Variants in CDC42BPA observed in about 807,000 individuals in gnomAD.
The protein encoded by CDC42BPA is serine/threonine-protein kinase MRCK alpha.
In CDC42BPA, 80 loss-of-function variants were observed where a neutral mutation model predicts 223.5. The ratio of observed to expected loss-of-function variants is 0.36; its 90% confidence interval spans 0.30 to 0.43. The LOEUF (loss-of-function observed/expected upper bound fraction) is 0.43. Among genes scored for constraint, CDC42BPA ranks in the 20% least tolerant of loss-of-function variants. The pLI, the probability that CDC42BPA is intolerant of heterozygous loss-of-function variation, is 1.00. For synonymous variants in CDC42BPA, 694 were observed against 718.6 expected, an observed-to-expected ratio of 0.97 and a Z score of 0.55; for missense variants, 1,743 against 2,099.9, an observed-to-expected ratio of 0.83 and a Z score of 3.32.
chr1:227,207,246 T>C (rs995620767), intron 3 of CDC42BPA, among the ~76,000 whole-genome samples: 10 of 151,324 alleles, frequency 6.6e-5, no homozygotes, highest in Non-Finnish European at 1.3e-4. Flanking sequence ...TCCATGTCCC[T>C]ACAAAGGACA....
At chr1:227,119,151 G>C (rs1274399961) in intron 12 of CDC42BPA, among the ~76,000 whole-genome samples, 1 of 152,038 alleles carries the variant, frequency 6.6e-6, no homozygotes, top group Non-Finnish European at 1.5e-5. Context: ...GCTAGTATTA[G>C]TCCCAACATT....
chr1:227,083,820 T>C (rs186957109), intron 16 of CDC42BPA, among the ~76,000 whole-genome samples: 7 of 152,290 alleles, frequency 4.6e-5, no homozygotes, highest in Non-Finnish European at 8.8e-5. Flanking sequence ...TCCTAAAATG[T>C]AGGCTTTCAA....
In CDC42BPA at chr1:227,096,668, T is replaced by C. The variant is rs139583740; in HGVS notation, c.2249+4324A>G. On this transcript the variant is annotated intron_variant, in intron 15 of 36. Transcript: ENST00000366766. ...CAGGGATCCCATGCTCTCCTAGTTT[T>C]AGTCTACATTCCTGGCTTCTTTTCA... Among the ~76,000 whole-genome samples, 117 of 152,350 alleles carry C rather than the reference T, an allele frequency of 7.7e-4. 1 individual carries two copies. The East Asian group carries it at 0.021, about 27-fold the overall frequency.
intron 15 of CDC42BPA, among the ~76,000 whole-genome samples, chr1:227,094,813 A>G (rs760011894): frequency 3.3e-5 from 5 of 152,224 alleles, no homozygotes; most frequent in South Asian, 2.1e-4. Context: ...ACAGTCAATT[A>G]GCTCGAGATA....
At chr1:227,244,788 G>A (rs1241066030) in intron 2 of CDC42BPA, among the ~76,000 whole-genome samples, 1 of 152,216 alleles carries the variant, frequency 6.6e-6, no homozygotes. Context: ...AGGAAGACAG[G>A]AGAGACAGTC....
intron 7 of CDC42BPA, among the ~76,000 whole-genome samples, chr1:227,146,379 T>C (rs927642091): frequency 6.6e-6 from 1 of 152,124 alleles, no homozygotes; most frequent in Non-Finnish European, 1.5e-5. Context: ...TTTACAACCC[T>C]GCTGCTATTT....
intron 14 of CDC42BPA, among the ~76,000 whole-genome samples, chr1:227,105,282 A>T (rs1396498246): frequency 6.6e-6 from 1 of 151,902 alleles, no homozygotes; most frequent in Non-Finnish European, 1.5e-5. Flanking sequence ...ATTAAGAATT[A>T]ACTCCCTGTT....
chr1:227,059,492 G>A, intron 21 of CDC42BPA: 1 of 1,249,296 alleles, frequency 8.0e-7, no homozygotes, highest in South Asian at 1.3e-5. Flanking sequence ...TGTATTAACA[G>A]ACAAAGTATA....
chr1:227,317,054 A>G lies in CDC42BPA; in HGVS notation c.129T>C (p.Asn43=), dbSNP rs760808114. ...DILICLYDEC[N]NSPLRREKNI... ...TCTTCTCTCTTCTCAATGGAGAATTATTGCATTCATCATAAAGGCAGATGA... is the reference window on the plus strand; with the variant it reads ...TCTTCTCTCTTCTCAATGGAGAATTGTTGCATTCATCATAAAGGCAGATGA... Residue 43 remains asparagine, a synonymous_variant, in exon 1 of 37, where the codon AAT becomes AAC. Transcript: ENST00000366766. The G allele has an allele frequency of 1.2e-6, 2 of 1,613,684 alleles. No homozygotes were observed. The highest frequency in any genetic ancestry group is 1.7e-5 in the Admixed American group (1 of 59,990).
At chr1:227,174,309 G>C (rs1367629909) in intron 5 of CDC42BPA, among the ~76,000 whole-genome samples, 1 of 152,294 alleles carries the variant, frequency 6.6e-6, no homozygotes, top group Middle Eastern at 3.4e-3. Context: ...GAGACTGAGA[G>C]AATTTTGAGT....
At chr1:227,138,196 T>C (rs6672658) in intron 10 of CDC42BPA, among the ~76,000 whole-genome samples, 108,804 of 151,854 alleles carry the variant, frequency 0.72, 39,188 homozygotes, top group South Asian at 0.86. Context: ...TTGTAAAACT[T>C]TGATTAGTTA....
At chr1:227,255,896 T>G (rs1682957693) in intron 1 of CDC42BPA, among the ~76,000 whole-genome samples, 1 of 152,046 alleles carries the variant, frequency 6.6e-6, no homozygotes. Flanking sequence ...AATCCACAGA[T>G]TCAAAGCAAT....
intron 2 of CDC42BPA, among the ~76,000 whole-genome samples, chr1:227,252,828 T>C (rs556160731): frequency 1.3e-5 from 2 of 152,234 alleles, no homozygotes; most frequent in African/African-American, 2.4e-5. Context: ...ATTAATAAAA[T>C]TCAACAAAAT....
At chr1:227,255,819 A>G (rs1228521635) in intron 1 of CDC42BPA, among the ~76,000 whole-genome samples, 1 of 152,200 alleles carries the variant, frequency 6.6e-6, no homozygotes, top group African/African-American at 2.4e-5. Flanking sequence ...AAATAAATGA[A>G]AAGACATCCA....
At chr1:227,254,597 G>A (rs11807166) in intron 1 of CDC42BPA, among the ~76,000 whole-genome samples, 4,575 of 152,192 alleles carry the variant, frequency 0.03, 205 homozygotes, top group African/African-American at 0.1. Flanking sequence ...TTTAAAATGC[G>A]TTAGCAAACG....
At chr1:227,036,484 G>A (rs12403161) in intron 24 of CDC42BPA, among the ~76,000 whole-genome samples, 41,127 of 147,076 alleles carry the variant, frequency 0.28, 6,076 homozygotes, top group African/African-American at 0.34. Context: ...GCTGGAGTGC[G>A]GTGGTGCAAT....
At chr1:227,283,452 C>T (rs1457266777) in intron 1 of CDC42BPA, among the ~76,000 whole-genome samples, 2 of 152,120 alleles carry the variant, frequency 1.3e-5, no homozygotes, top group African/African-American at 4.8e-5. Context: ...TTACTACTCT[C>T]TCCACCTAAA....
chr1:227,163,114 G>GTTTCCAAACA, intron 5 of CDC42BPA, among the ~76,000 whole-genome samples: 1 of 29,840 alleles, frequency 3.4e-5, no homozygotes, highest in African/African-American at 1.2e-4. Context: ...ACATATATGT[G>GTTTCCAAACA]TGTATGTTTC....
At chr1:227,062,553 T>G (rs1676135141) in intron 21 of CDC42BPA, among the ~76,000 whole-genome samples, 1 of 152,192 alleles carries the variant, frequency 6.6e-6, no homozygotes. Context: ...AATATTACGC[T>G]TAAGGGCAGG....
Sources: gnomAD v4.1 joint callset for allele counts (sites outside exome capture counted in the v4.1 genomes callset) on GRCh38, gnomAD v4.1.1 for gene constraint, MANE v1.5 for transcripts, NCBI Gene and HGNC (gene_info 2026-07-23, HGNC 2026-07-21) for gene names.